DGKB: variants seen among roughly 807,000 people sequenced by gnomAD.
DGKB encodes the protein diacylglycerol kinase beta, also known as 90 kDa diacylglycerol kinase.
Under a neutral mutation model 114.3 loss-of-function variants are expected in DGKB, and 67 were observed. The observed-to-expected ratio is 0.59, with a 90% CI of 0.48 to 0.72. The LOEUF is 0.72. DGKB is among the 30% of genes least tolerant of loss of function. The pLI, the probability that DGKB is intolerant of heterozygous loss-of-function variation, is 0.00. For missense variants in DGKB, 907 were observed against 975.2 expected (o/e 0.93, Z 0.93); for synonymous variants, 398 against 323.1 (o/e 1.23, Z -2.49).
intron 20 of DGKB, among the ~76,000 whole-genome samples, chr7:14,498,548 G>A (rs1785641148): frequency 6.6e-6 from 1 of 151,612 alleles, no homozygotes; most frequent in African/African-American, 2.4e-5. Context: ...TAAAATGCAG[G>A]CATCCTTTTC....
intron 2 of DGKB, among the ~76,000 whole-genome samples, chr7:14,795,085 G>T (rs1202830215): frequency 6.6e-6 from 1 of 152,160 alleles, no homozygotes; most frequent in Non-Finnish European, 1.5e-5. Context: ...GTCTCCTAAA[G>T]GTGAGGTACA....
intron 15 of DGKB, among the ~76,000 whole-genome samples, chr7:14,620,912 T>C (rs1199265539): frequency 6.6e-6 from 1 of 151,786 alleles, no homozygotes; most frequent in African/African-American, 2.4e-5. Flanking sequence ...AGAAATATAT[T>C]ACAATACATT....
intron 21 of DGKB, among the ~76,000 whole-genome samples, chr7:14,453,485 C>T (rs976671908): frequency 7.2e-5 from 11 of 152,224 alleles, no homozygotes; most frequent in African/African-American, 2.2e-4. Flanking sequence ...AGTTTCTCCA[C>T]CAAGGCTCAA....
rs1810189575 is a variant in DGKB, at chr7:14,633,683, TA to T, written c.1135-3416del. 3.3e-5 allele frequency among the ~76,000 whole-genome samples: 5 copies of T among 151,856 alleles called. 1 individual carries two copies. In the South Asian group the frequency reaches 1.0e-3, roughly 31 times the overall value. On this transcript the variant is annotated intron_variant, in intron 13 of 25. Transcript: ENST00000402815. ...GAAAATCATCATGAGTGCATGATTC[TA>T]AATGTAATATATTTTTAATCAGAAT...
intron 1 of DGKB, among the ~76,000 whole-genome samples, chr7:14,843,753 C>T (rs933455328): frequency 1.3e-5 from 2 of 152,156 alleles, no homozygotes; most frequent in Non-Finnish European, 2.9e-5. Flanking sequence ...ATTTGTTGAG[C>T]CTTGCTGTCT....
intron 23 of DGKB, among the ~76,000 whole-genome samples, chr7:14,200,054 C>G (rs1785600633): frequency 6.6e-6 from 1 of 151,998 alleles, no homozygotes; most frequent in South Asian, 2.1e-4. Flanking sequence ...AAGTCTAGAA[C>G]TTCTGGAGGC....
At chr7:14,526,942 A>G (rs1415832984) in intron 20 of DGKB, among the ~76,000 whole-genome samples, 1 of 152,148 alleles carries the variant, frequency 6.6e-6, no homozygotes, top group East Asian at 1.9e-4. Context: ...GTTTACACCT[A>G]TATGCTTACA....
chr7:14,694,962 G>T (rs542030305), intron 8 of DGKB, among the ~76,000 whole-genome samples: 1 of 152,070 alleles, frequency 6.6e-6, no homozygotes, highest in African/African-American at 2.4e-5. Flanking sequence ...CCATCTAATG[G>T]CGTCAAGATG....
At chr7:14,684,696 T>A (rs1821379017) in intron 10 of DGKB, among the ~76,000 whole-genome samples, 1 of 152,188 alleles carries the variant, frequency 6.6e-6, no homozygotes, top group South Asian at 2.1e-4. Context: ...TGCATTCCAA[T>A]GTCTATTAAC....
chr7:14,623,368 G>A (rs1459874641), intron 14 of DGKB, among the ~76,000 whole-genome samples: 2 of 152,056 alleles, frequency 1.3e-5, no homozygotes, highest in South Asian at 2.1e-4. Context: ...TTTTATTTGT[G>A]CAAATGTATG....
At chr7:14,654,892 C>T (rs533595373) in intron 13 of DGKB, among the ~76,000 whole-genome samples, 1 of 151,884 alleles carries the variant, frequency 6.6e-6, no homozygotes, top group Admixed American at 6.6e-5. Context: ...AATATATTAA[C>T]AACTTAAATG....
At chr7:14,691,328 T>C (rs6461118) in intron 9 of DGKB, among the ~76,000 whole-genome samples, 9,903 of 152,108 alleles carry the variant, frequency 0.065, 1,047 homozygotes, top group African/African-American at 0.23. Flanking sequence ...CAATAGACAA[T>C]AACATATAGG....
intron 20 of DGKB, among the ~76,000 whole-genome samples, chr7:14,522,858 CAA>C (rs762954277): frequency 4.6e-5 from 7 of 151,990 alleles, no homozygotes; most frequent in Non-Finnish European, 8.8e-5. Flanking sequence ...TTAAAAATAA[CAA>C]AAGTTTAGAT....
intron 21 of DGKB, among the ~76,000 whole-genome samples, chr7:14,438,925 CTT>C (rs34283340): frequency 6.8e-6 from 1 of 146,934 alleles, no homozygotes. Flanking sequence ...ATTTCTAAGA[CTT>C]TTTTTTTTTA....
intron 1 of DGKB, among the ~76,000 whole-genome samples, chr7:14,909,858 T>C (rs1355642804): frequency 3.9e-5 from 6 of 152,266 alleles, no homozygotes; most frequent in African/African-American, 1.4e-4. Context: ...GGGAAAATTA[T>C]GTTCCATTGG....
At chr7:14,819,481 T>A (rs1423553238) in intron 2 of DGKB, among the ~76,000 whole-genome samples, 1 of 152,044 alleles carries the variant, frequency 6.6e-6, no homozygotes, top group African/African-American at 2.4e-5. Flanking sequence ...TCCCAGCTAT[T>A]CGGGAGGCTG....
At chr7:14,956,870 C>G (rs1420281461) in intron 1 of DGKB, among the ~76,000 whole-genome samples, 1 of 151,390 alleles carries the variant, frequency 6.6e-6, no homozygotes, top group African/African-American at 2.4e-5. Context: ...TTTTTTAAGG[C>G]AAATGAGCAG....
At chr7:14,828,627 C>CA (rs1846016402) in intron 2 of DGKB, among the ~76,000 whole-genome samples, 1 of 152,006 alleles carries the variant, frequency 6.6e-6, no homozygotes, top group East Asian at 1.9e-4. Flanking sequence ...TAGAGTTGGA[C>CA]AAAATGTCAT....
At chr7:14,674,880 C>A (rs1459030795) in intron 12 of DGKB, among the ~76,000 whole-genome samples, 4 of 152,050 alleles carry the variant, frequency 2.6e-5, no homozygotes, top group Admixed American at 6.6e-5. Context: ...GGAATTCTAG[C>A]CTCCAGAGCT....
Sources: gnomAD v4.1 joint callset for allele counts (sites outside exome capture counted in the v4.1 genomes callset) on GRCh38, gnomAD v4.1.1 for gene constraint, MANE v1.5 for transcripts, NCBI Gene and HGNC (gene_info 2026-07-23, HGNC 2026-07-21) for gene names.